Variants in FIP1L1 observed in about 807,000 individuals in gnomAD.
FIP1L1 encodes pre-mRNA 3'-end-processing factor FIP1.
In FIP1L1, 21 loss-of-function variants were observed where a neutral mutation model predicts 84.6. The ratio of observed to expected loss-of-function variants is 0.25; its 90% CI spans 0.18 to 0.36. FIP1L1 has a LOEUF of 0.36. Among genes scored for constraint, FIP1L1 ranks in the 10% least tolerant of loss-of-function variants. The probability of loss-of-function intolerance (pLI) is 1.00; values close to 1 mark genes in which losing one functional copy is unlikely to be tolerated. For synonymous variants in FIP1L1, 263 were observed against 242.3 expected (o/e 1.09, Z -0.80); for missense variants, 526 against 751.1 (o/e 0.70, Z 3.50).
intron 5 of FIP1L1, among the ~76,000 whole-genome samples, chr4:53,384,921 T>A (rs1463713651): frequency 4.6e-5 from 7 of 152,190 alleles, no homozygotes; most frequent in Admixed American, 1.3e-4. Flanking sequence ...TATTGTTAAA[T>A]ATTTTATTAG....
intron 3 of FIP1L1, among the ~76,000 whole-genome samples, chr4:53,381,229 G>C (rs529390869): frequency 7.2e-5 from 11 of 152,152 alleles, no homozygotes; most frequent in Non-Finnish European, 1.5e-4. Context: ...TTGAAGAAAG[G>C]TACTCTGCCA....
chr4:53,437,326 C>CAAAAAAAAAAA (rs55957570), intron 13 of FIP1L1, among the ~76,000 whole-genome samples: 5 of 64,514 alleles, frequency 7.8e-5, no homozygotes, highest in African/African-American at 2.7e-4. Context: ...CTGTCTCAAC[C>CAAAAAAAAAAA]AAAAAAAAAA....
At chr4:53,440,535 G>C (rs1380688161) in intron 13 of FIP1L1, 7 of 1,242,700 alleles carry the variant, frequency 5.6e-6, no homozygotes, top group Non-Finnish European at 8.0e-6. Flanking sequence ...TACATAACAG[G>C]TTCTGAAATC....
intron 8 of FIP1L1, 84 bp from the exon 9 acceptor site, chr4:53,391,346 C>A: frequency 8.0e-7 from 1 of 1,253,782 alleles, no homozygotes; most frequent in Non-Finnish European, 1.2e-6. Flanking sequence ...AAATCACAGA[C>A]TAGCCACAGC....
chr4:53,434,069 G>T (rs1767977746), intron 13 of FIP1L1, among the ~76,000 whole-genome samples: 2 of 152,020 alleles, frequency 1.3e-5, no homozygotes, highest in South Asian at 4.1e-4. Flanking sequence ...TAGCACAGCA[G>T]TTCTCAAAAC....
At chr4:53,409,996 A>G (rs1293366841) in intron 10 of FIP1L1, among the ~76,000 whole-genome samples, 1 of 152,218 alleles carries the variant, frequency 6.6e-6, no homozygotes, top group Non-Finnish European at 1.5e-5. Flanking sequence ...CGCTGCACCC[A>G]CTGTCCTGCG....
At chr4:53,397,148 G>A (rs1383792520) in intron 9 of FIP1L1, among the ~76,000 whole-genome samples, 1 of 152,170 alleles carries the variant, frequency 6.6e-6, no homozygotes, top group Admixed American at 6.5e-5. Context: ...AATTCATGTT[G>A]TTTTCCCTGT....
intron 17 of FIP1L1, 141 bp from the exon 18 acceptor site, chr4:53,459,161 C>A: frequency 3.0e-6 from 2 of 668,216 alleles, no homozygotes; most frequent in South Asian, 2.1e-5. Context: ...CTGATTATTC[C>A]TCACATTATA....
chr4:53,422,553 G>A (rs944813116), intron 11 of FIP1L1, among the ~76,000 whole-genome samples: 3 of 151,900 alleles, frequency 2.0e-5, no homozygotes, highest in African/African-American at 2.4e-5. Flanking sequence ...CTTACCTTGC[G>A]CATAGTAGGT....
chr4:53,432,902 G>A (rs1457419354), intron 13 of FIP1L1, among the ~76,000 whole-genome samples: 1 of 152,034 alleles, frequency 6.6e-6, no homozygotes, highest in Non-Finnish European at 1.5e-5. Flanking sequence ...GCATTTCTCT[G>A]ATGTTGAAGT....
intron 9 of FIP1L1, among the ~76,000 whole-genome samples, chr4:53,396,631 C>T (rs1747513278): frequency 6.6e-6 from 1 of 151,842 alleles, no homozygotes; most frequent in South Asian, 2.1e-4. Context: ...GTCTCGAACT[C>T]CTGACCTCGT....
At chr4:53,400,859 T>C (rs1006594159) in intron 10 of FIP1L1, among the ~76,000 whole-genome samples, 2 of 152,248 alleles carry the variant, frequency 1.3e-5, no homozygotes, top group African/African-American at 4.8e-5. Context: ...GCTTTAAATA[T>C]GTAGTAATAT....
chr4:53,428,300 A>G (rs559422587), intron 13 of FIP1L1, 117 bp downstream of exon 13: 2 of 989,042 alleles, frequency 2.0e-6, no homozygotes, highest in South Asian at 5.1e-5. Flanking sequence ...AATAGATATA[A>G]TATCTTCAAC....
At chr4:53,445,997 G>A (rs530410835) in intron 15 of FIP1L1, among the ~76,000 whole-genome samples, 16 of 152,248 alleles carry the variant, frequency 1.1e-4, no homozygotes, top group Non-Finnish European at 1.8e-4. Flanking sequence ...AATAGACTCC[G>A]AAGGATTTAT....
chr4:53,407,299 T>G (rs1754141054), intron 10 of FIP1L1, among the ~76,000 whole-genome samples: 1 of 152,240 alleles, frequency 6.6e-6, no homozygotes, highest in South Asian at 2.1e-4. Flanking sequence ...GGTTGTTCAG[T>G]TTCCATGTAG....
intron 11 of FIP1L1, among the ~76,000 whole-genome samples, chr4:53,420,224 AAC>A (rs1553918246): frequency 2.0e-5 from 3 of 147,852 alleles, no homozygotes; most frequent in African/African-American, 7.4e-5. Context: ...AAAAAAAAAA[AAC>A]CAGCCTGACC....
At chr4:53,391,351 C>G in intron 8 of FIP1L1, 79 bp from the exon 9 acceptor site, 1 of 1,262,060 alleles carries the variant, frequency 7.9e-7, no homozygotes, top group East Asian at 2.3e-5. Flanking sequence ...ACAGACTAGC[C>G]ACAGCTAGTT....
At chr4:53,396,614 C>T (rs1056118806) in intron 9 of FIP1L1, among the ~76,000 whole-genome samples, 9 of 152,062 alleles carry the variant, frequency 5.9e-5, no homozygotes, top group African/African-American at 2.2e-4. Context: ...CCATGTTGTC[C>T]AGGCTGGTCT....
intron 3 of FIP1L1, among the ~76,000 whole-genome samples, chr4:53,381,750 A>ATTATTTTTTTTTTTTTTT (rs1233462083): frequency 3.2e-5 from 2 of 63,074 alleles, no homozygotes; most frequent in East Asian, 5.5e-4. Context: ...AGGCATTTGC[A>ATTATTTTTTTTTTTTTTT]TTCTTTTTTT....
Sources: gnomAD v4.1 joint callset for allele counts (sites outside exome capture counted in the v4.1 genomes callset) on GRCh38, gnomAD v4.1.1 for gene constraint, MANE v1.5 for transcripts, NCBI Gene and HGNC (gene_info 2026-07-23, HGNC 2026-07-21) for gene names.